The following SPOCK3 variants were observed in gnomAD, a reference collection of about 807,000 sequenced individuals.
SPOCK3 encodes the protein SPARC (osteonectin), cwcv and kazal like domains proteoglycan 3, also known as testican-3.
SPOCK3 carries 30 observed loss-of-function variants against 56.6 expected under a neutral mutation model. The observed-to-expected ratio is 0.53, with a 90% confidence interval of 0.40 to 0.72. The LOEUF (loss-of-function observed/expected upper bound fraction) is 0.72, where lower values mean the gene tolerates loss of function less well. Among genes scored for constraint, SPOCK3 ranks in the 30% least tolerant of loss-of-function variants. SPOCK3 has a pLI of 0.00. For synonymous variants in SPOCK3, 196 were observed against 183.3 expected (o/e 1.07, Z -0.56); for missense variants, 527 against 530.0 (o/e 0.99, Z 0.06).
At chr4:166,842,558 T>C (rs1747549165) in intron 6 of SPOCK3, among the ~76,000 whole-genome samples, 1 of 152,202 alleles carries the variant, frequency 6.6e-6, no homozygotes, top group East Asian at 1.9e-4. Context: ...TTACAAACCT[T>C]GAGCTAGACA....
intron 8 of SPOCK3, among the ~76,000 whole-genome samples, chr4:166,745,544 G>T (rs1735497775): frequency 6.6e-6 from 1 of 152,192 alleles, no homozygotes; most frequent in African/African-American, 2.4e-5. Context: ...ATGCCAAATT[G>T]TAAAGACCAT....
At chr4:167,092,922 G>A (rs1245818672) in intron 2 of SPOCK3, among the ~76,000 whole-genome samples, 3 of 152,024 alleles carry the variant, frequency 2.0e-5, no homozygotes, top group Non-Finnish European at 2.9e-5. Context: ...AAATAATAGC[G>A]AGTTTTTCAT....
At chr4:167,222,631 GAT>G (rs1476658965) in intron 2 of SPOCK3, among the ~76,000 whole-genome samples, 3 of 134,930 alleles carry the variant, frequency 2.2e-5, no homozygotes, top group Admixed American at 7.8e-5. Flanking sequence ...TATAAACATA[GAT>G]ATATATTATA....
intron 2 of SPOCK3, among the ~76,000 whole-genome samples, chr4:167,173,390 T>C (rs1730677511): frequency 6.6e-6 from 1 of 152,168 alleles, no homozygotes; most frequent in Admixed American, 6.6e-5. Flanking sequence ...TAACTTTTCT[T>C]TCTCGTAGTT....
intron 4 of SPOCK3, among the ~76,000 whole-genome samples, chr4:166,982,467 G>C (rs1238328627): frequency 6.6e-6 from 1 of 151,996 alleles, no homozygotes; most frequent in Non-Finnish European, 1.5e-5. Flanking sequence ...AGGGAGAATG[G>C]CGTGAACTCG....
chr4:167,075,369 T>TACTGGG (rs1301172235), intron 2 of SPOCK3, among the ~76,000 whole-genome samples: 1 of 151,956 alleles, frequency 6.6e-6, no homozygotes, highest in Non-Finnish European at 1.5e-5. Flanking sequence ...GCACCCATCC[T>TACTGGG]ACTCGGGTTA....
At chr4:166,752,690 A>G (rs1018491785) in intron 8 of SPOCK3, among the ~76,000 whole-genome samples, 3 of 152,028 alleles carry the variant, frequency 2.0e-5, no homozygotes, top group African/African-American at 7.2e-5. Context: ...AAAAATCAGC[A>G]TATAAATTAA....
At chr4:166,884,032 T>A (rs1297896593) in intron 6 of SPOCK3, among the ~76,000 whole-genome samples, 1 of 152,168 alleles carries the variant, frequency 6.6e-6, no homozygotes, top group Non-Finnish European at 1.5e-5. Flanking sequence ...AAGCAGTATA[T>A]AACTACATAC....
chr4:166,872,124 T>G (rs1441792892), intron 6 of SPOCK3, among the ~76,000 whole-genome samples: 1 of 151,314 alleles, frequency 6.6e-6, no homozygotes, highest in Non-Finnish European at 1.5e-5. Flanking sequence ...ACTGAAAAAT[T>G]TTCCCCTAAG....
chr4:167,228,975 AAAAG>A (rs1245526115), intron 2 of SPOCK3, among the ~76,000 whole-genome samples: 83 of 152,310 alleles, frequency 5.4e-4, no homozygotes, highest in African/African-American at 1.9e-3. Flanking sequence ...CCAAAAAAGC[AAAAG>A]AAAGAGAGAA....
At chr4:166,934,266 G>A (rs1029108238) in intron 4 of SPOCK3, among the ~76,000 whole-genome samples, 6 of 151,418 alleles carry the variant, frequency 4.0e-5, no homozygotes. Context: ...CGAGACTGGT[G>A]GATCACCAGG....
At chr4:167,052,117 C>T (rs116736105) in intron 3 of SPOCK3, among the ~76,000 whole-genome samples, 7,413 of 152,126 alleles carry the variant, frequency 0.049, 256 homozygotes, top group African/African-American at 0.094. Flanking sequence ...GGAACATGTA[C>T]CTTCATTTGG....
At chr4:166,895,576 T>C (rs757658473) in intron 5 of SPOCK3, among the ~76,000 whole-genome samples, 24 of 152,310 alleles carry the variant, frequency 1.6e-4, no homozygotes, top group Admixed American at 7.2e-4. Context: ...TGAAGTGTGA[T>C]AGCTTGTACA....
intron 3 of SPOCK3, among the ~76,000 whole-genome samples, chr4:167,027,882 C>T (rs1751848271): frequency 1.3e-5 from 2 of 151,932 alleles, no homozygotes. Context: ...TGAGGAAACA[C>T]ACAGTTCAAC....
At chr4:167,023,334 C>T (rs1343545176) in intron 3 of SPOCK3, among the ~76,000 whole-genome samples, 1 of 151,840 alleles carries the variant, frequency 6.6e-6, no homozygotes, top group South Asian at 2.1e-4. Context: ...GAGGATTCAC[C>T]TGGGTGCATT....
intron 4 of SPOCK3, among the ~76,000 whole-genome samples, chr4:166,998,919 T>C (rs1220347695): frequency 6.6e-6 from 1 of 152,160 alleles, no homozygotes. Flanking sequence ...TTTGTATGAT[T>C]AATTAATAGA....
rs149668469 is a variant in SPOCK3, at chr4:166,887,198, T to C, written c.589+1932A>G. Among the ~76,000 whole-genome samples, 549 of 152,332 alleles carry C rather than the reference T, an allele frequency of 3.6e-3. 6 individuals carry two copies. The highest frequency in any genetic ancestry group is 0.024 in the Admixed American group (370 of 15,282). ...ATCTTTAATGCACATAGAGTTCCTT[T>C]TGCAGCTTGTGATTGGTTATCATAA... On this transcript the variant is annotated intron_variant, in intron 6 of 10. Transcript: ENST00000357545.
intron 2 of SPOCK3, among the ~76,000 whole-genome samples, chr4:167,158,523 A>G (rs1409186445): frequency 6.6e-6 from 1 of 151,976 alleles, no homozygotes; most frequent in East Asian, 1.9e-4. Flanking sequence ...ACAAAAGATC[A>G]TTCTCCTTAC....
chr4:166,815,527 C>T (rs1744294247), intron 6 of SPOCK3, among the ~76,000 whole-genome samples: 3 of 151,974 alleles, frequency 2.0e-5, no homozygotes, highest in African/African-American at 7.2e-5. Context: ...CAAGGTGGCT[C>T]ACACCTGTAA....
Sources: gnomAD v4.1 joint callset for allele counts (sites outside exome capture counted in the v4.1 genomes callset) on GRCh38, gnomAD v4.1.1 for gene constraint, MANE v1.5 for transcripts, NCBI Gene and HGNC (gene_info 2026-07-23, HGNC 2026-07-21) for gene names.